Variants in RABGAP1L observed in about 807,000 individuals in gnomAD.
RABGAP1L encodes the protein RAB GTPase activating protein 1 like.
Under a neutral mutation model 137.7 loss-of-function variants are expected in RABGAP1L, and 63 were observed. The ratio of observed to expected loss-of-function variants is 0.46; its 90% confidence interval spans 0.37 to 0.56. The LOEUF is 0.56. RABGAP1L is among the 20% of genes least tolerant of loss of function. The pLI, the probability that RABGAP1L is intolerant of heterozygous loss-of-function variation, is 0.00. For missense variants in RABGAP1L, 1,095 were observed against 1,244.0 expected, an observed-to-expected ratio of 0.88 and a Z score of 1.80; for synonymous variants, 431 against 433.7, an observed-to-expected ratio of 0.99 and a Z score of 0.08.
Position 174,258,832 on chromosome 1 carries a change from C to A in RABGAP1L, c.986+6242C>A, listed in dbSNP as rs569147692. ...TCGCTGTGTTGCCCAGACTGGAGTGCAGTGATGTGATCATAGCTCACTGCA... is the reference window on the plus strand; with the variant it reads ...TCGCTGTGTTGCCCAGACTGGAGTGAAGTGATGTGATCATAGCTCACTGCA... On this transcript the variant is annotated intron_variant, in intron 7 of 25. Transcript: ENST00000681986. Among the ~76,000 whole-genome samples the A allele has an allele frequency of 1.0e-3, 155 of 151,874 alleles. 1 individual carries two copies. The highest frequency in any genetic ancestry group is 1.8e-3 in the Non-Finnish European group (124 of 67,980).
intron 14 of RABGAP1L, among the ~76,000 whole-genome samples, chr1:174,644,861 T>C (rs1674823122): frequency 6.6e-6 from 1 of 152,108 alleles, no homozygotes; most frequent in South Asian, 2.1e-4. Flanking sequence ...CTAGAAATAA[T>C]GTGAATCTGA....
chr1:174,604,539 A>G (rs1670638247), intron 13 of RABGAP1L, among the ~76,000 whole-genome samples: 1 of 152,168 alleles, frequency 6.6e-6, no homozygotes, highest in African/African-American at 2.4e-5. Flanking sequence ...ATTCTCATGA[A>G]GGTGCTTCAT....
intron 17 of RABGAP1L, among the ~76,000 whole-genome samples, chr1:174,743,847 C>T (rs1311712271): frequency 1.3e-5 from 2 of 151,852 alleles, no homozygotes; most frequent in African/African-American, 4.8e-5. Context: ...TCTCTCATCC[C>T]TACCCATTCT....
intron 13 of RABGAP1L, among the ~76,000 whole-genome samples, chr1:174,634,826 T>G (rs1275094606): frequency 7.0e-6 from 1 of 142,342 alleles, no homozygotes; most frequent in Non-Finnish European, 1.5e-5. Context: ...AGGTGGGAAT[T>G]GAACAATGAG....
rs1053412029 is a variant in RABGAP1L at position 174,373,019 on chromosome 1, T to C, written c.1559+1947T>C. 5.9e-5 allele frequency among the ~76,000 whole-genome samples: 9 copies of C among 152,240 alleles called. 1 individual carries two copies. Among genetic ancestry groups the C allele is most frequent in the African/African-American group, 9.6e-5 (4 of 41,470 alleles). ...ATCATTTTGTCCATTTCAAAAATCTTACACAATTTTACCCCACATTATATC... is the reference window on the plus strand; with the variant it reads ...ATCATTTTGTCCATTTCAAAAATCTCACACAATTTTACCCCACATTATATC... On this transcript the variant is annotated intron_variant, in intron 12 of 25. Transcript: ENST00000681986.
At chr1:174,430,239 G>T (rs530024872) in intron 13 of RABGAP1L, among the ~76,000 whole-genome samples, 4 of 151,900 alleles carry the variant, frequency 2.6e-5, no homozygotes, top group Non-Finnish European at 5.9e-5. Flanking sequence ...GAAATTAGCC[G>T]GGTGTGGTGG....
At chr1:174,459,841 G>A (rs977537862) in intron 13 of RABGAP1L, among the ~76,000 whole-genome samples, 1 of 152,056 alleles carries the variant, frequency 6.6e-6, no homozygotes, top group Non-Finnish European at 1.5e-5. Context: ...TATAGTCAGA[G>A]TGAATACCTT....
chr1:174,648,954 A>G (rs1675220682), intron 14 of RABGAP1L, among the ~76,000 whole-genome samples: 1 of 152,098 alleles, frequency 6.6e-6, no homozygotes, highest in Non-Finnish European at 1.5e-5. Context: ...CCATTATGTA[A>G]TGCCCATCTT....
intron 21 of RABGAP1L, among the ~76,000 whole-genome samples, chr1:174,971,674 C>A (rs1249851492): frequency 6.6e-6 from 1 of 152,202 alleles, no homozygotes. Flanking sequence ...GGTTTATTTG[C>A]TTACCAAAAA....
At chr1:174,537,504 T>G (rs1664984446) in intron 13 of RABGAP1L, among the ~76,000 whole-genome samples, 1 of 152,162 alleles carries the variant, frequency 6.6e-6, no homozygotes, top group Non-Finnish European at 1.5e-5. Context: ...GAATATCAAG[T>G]CTGGTCTGTA....
At chr1:174,492,273 C>G (rs1224592342) in intron 13 of RABGAP1L, among the ~76,000 whole-genome samples, 1 of 151,034 alleles carries the variant, frequency 6.6e-6, no homozygotes, top group Non-Finnish European at 1.5e-5. Flanking sequence ...CTCCGCCTCC[C>G]AGGTTCAAGT....
At position 174,321,292 on chromosome 1, in the gene RABGAP1L, G is replaced by A. The variant is rs375206985; in HGVS notation, c.1465+16165G>A. On this transcript the variant is annotated intron_variant, in intron 11 of 25. Coordinates refer to ENST00000681986, the MANE Select transcript of RABGAP1L (RefSeq NM_001366446.1). ...AAACTTCATTAGCAATTTTAATTTC[G>A]CCCTGGTCCTGTGATCTCGCTCTGC... 1.8e-4 allele frequency among the ~76,000 whole-genome samples: 27 copies of A among 152,128 alleles called. No individual in the cohort carries two copies. The South Asian group carries it at 4.1e-3, about 23-fold the overall frequency.
intron 19 of RABGAP1L, among the ~76,000 whole-genome samples, chr1:174,907,315 C>G (rs369749786): frequency 6.6e-6 from 1 of 151,782 alleles, no homozygotes; most frequent in Admixed American, 6.6e-5. Context: ...GATAAGTTGT[C>G]TTTTTAATTT....
At chr1:174,335,406 T>G (rs1486215949) in intron 11 of RABGAP1L, among the ~76,000 whole-genome samples, 3 of 152,226 alleles carry the variant, frequency 2.0e-5, no homozygotes, top group Non-Finnish European at 4.4e-5. Flanking sequence ...TTTAATTTTC[T>G]GGGAGAGATC....
intron 18 of RABGAP1L, among the ~76,000 whole-genome samples, chr1:174,766,225 A>C (rs1465303384): frequency 1.3e-5 from 2 of 152,220 alleles, no homozygotes; most frequent in African/African-American, 4.8e-5. Context: ...ACTGTGAGAA[A>C]ATAAATCACT....
At chr1:174,468,692 A>G (rs1285195567) in intron 13 of RABGAP1L, among the ~76,000 whole-genome samples, 1 of 151,928 alleles carries the variant, frequency 6.6e-6, no homozygotes, top group African/African-American at 2.4e-5. Context: ...GAAATCATAG[A>G]CACTACATCT....
At chr1:174,550,857 A>ATATATAT (rs1666378691) in intron 13 of RABGAP1L, among the ~76,000 whole-genome samples, 1 of 61,836 alleles carries the variant, frequency 1.6e-5, no homozygotes, top group Non-Finnish European at 2.7e-5. Flanking sequence ...GTCTCTGCTA[A>ATATATAT]ATATATATAT....
At chr1:174,370,574 C>T (rs1297765848) in intron 11 of RABGAP1L, among the ~76,000 whole-genome samples, 1 of 71,350 alleles carries the variant, frequency 1.4e-5, no homozygotes, top group Non-Finnish European at 2.7e-5. Flanking sequence ...ATGTATGTTT[C>T]TCAGTGTTAT....
intron 19 of RABGAP1L, among the ~76,000 whole-genome samples, chr1:174,836,532 G>C (rs947773209): frequency 9.2e-5 from 14 of 152,118 alleles, no homozygotes; most frequent in Non-Finnish European, 5.9e-5. Flanking sequence ...AATCAAAGTT[G>C]AGAAATATGT....
Sources: allele counts gnomAD v4.1 joint callset (sites outside exome capture counted in the v4.1 genomes callset), GRCh38; gene constraint gnomAD v4.1.1; transcripts MANE v1.5; gene names NCBI Gene and HGNC (gene_info 2026-07-23, HGNC 2026-07-21).